Variants in SH2D4A observed in about 807,000 individuals in gnomAD.
The protein encoded by SH2D4A is SH2 domain containing 4A.
In SH2D4A, 70 loss-of-function variants were observed where a neutral mutation model predicts 64.7. That is an observed-to-expected ratio of 1.08 (90% CI 0.89 to 1.32). The LOEUF is 1.32. SH2D4A is among the 40% of genes most tolerant of loss of function. SH2D4A has a pLI of 0.00. For synonymous variants in SH2D4A, 268 were observed against 200.7 expected (o/e 1.34, Z -2.83); for missense variants, 706 against 540.1 (o/e 1.31, Z -3.04).
chr8:19,381,597 C>T (rs1190491549), intron 8 of SH2D4A, among the ~76,000 whole-genome samples: 1 of 152,190 alleles, frequency 6.6e-6, no homozygotes, highest in African/African-American at 2.4e-5. Flanking sequence ...ATTGTATCAT[C>T]TGACAACAGA....
chr8:19,364,196 G>T lies in SH2D4A; in HGVS notation c.831G>T (p.Leu277Phe), dbSNP rs768918783. ...GCGGTGAGAGGCTGCAAAGCCCCTTGCGTGTTCCGCAGAAACCAGAAAGAC... is the reference window on the plus strand; with the variant it reads ...GCGGTGAGAGGCTGCAAAGCCCCTTTCGTGTTCCGCAGAAACCAGAAAGAC... ...GRGGERLQSP[L>F]RVPQKPERPP... The change falls in exon 7 of 10, where the codon TTG becomes TTT. Residue 277 changes from leucine to phenylalanine, a missense_variant. Leu to Phe is a conservative substitution (Grantham distance 22). Transcript: ENST00000265807. The T allele has an allele frequency of 4.3e-6, 7 of 1,614,072 alleles. No individual in the cohort carries two copies. The highest frequency in any genetic ancestry group is 1.7e-5 in the Admixed American group (1 of 60,008).
At chr8:19,376,898 A>G (rs2053205121) in intron 8 of SH2D4A, among the ~76,000 whole-genome samples, 1 of 152,192 alleles carries the variant, frequency 6.6e-6, no homozygotes, top group Non-Finnish European at 1.5e-5. Flanking sequence ...AACCACAGGC[A>G]TGAAAGATCA....
chr8:19,332,136 A>G (rs1389297168), intron 2 of SH2D4A, among the ~76,000 whole-genome samples: 1 of 152,148 alleles, frequency 6.6e-6, no homozygotes, highest in African/African-American at 2.4e-5. Context: ...TACAATATAA[A>G]TAAAATAATA....
intron 4 of SH2D4A, among the ~76,000 whole-genome samples, chr8:19,345,588 C>T (rs1041606620): frequency 2.0e-5 from 3 of 152,190 alleles, no homozygotes; most frequent in Non-Finnish European, 4.4e-5. Context: ...GCATTCCTAT[C>T]CTGAGCTGGT....
Position 19,357,195 on chromosome 8 carries a change from AT to A in SH2D4A, c.514-3del, listed in dbSNP as rs2052805977. 1 of 1,609,128 alleles carries A rather than the reference AT, an allele frequency of 6.2e-7. No homozygotes were observed. The highest frequency in any genetic ancestry group is 8.5e-7 in the Non-Finnish European group (1 of 1,175,626). On this transcript the variant is annotated splice_region_variant and splice_polypyrimidine_tract_variant and intron_variant, in intron 4 of 9. Transcript: ENST00000265807. ...AAATGCCATAAATGTGTTTCGTTTA[AT>A]TTTTAGTCACTCTCCAGTTCTTCAA... is the stretch of plus-strand genomic sequence containing the variant.
At chr8:19,321,846 T>A (rs1160419793) in intron 2 of SH2D4A, among the ~76,000 whole-genome samples, 2 of 152,186 alleles carry the variant, frequency 1.3e-5, no homozygotes, top group African/African-American at 4.8e-5. Flanking sequence ...TCTGTTAGAC[T>A]TTGGGTTTCT....
At chr8:19,325,750 A>G (rs1328603005) in intron 2 of SH2D4A, among the ~76,000 whole-genome samples, 3 of 152,220 alleles carry the variant, frequency 2.0e-5, no homozygotes, top group Non-Finnish European at 4.4e-5. Context: ...AAATAAGCAT[A>G]AAAATTTATT....
At chr8:19,377,491 C>T (rs533299211) in intron 8 of SH2D4A, among the ~76,000 whole-genome samples, 6 of 152,268 alleles carry the variant, frequency 3.9e-5, no homozygotes, top group African/African-American at 1.4e-4. Flanking sequence ...TGATTTCCAT[C>T]CATATTTTAT....
intron 7 of SH2D4A, among the ~76,000 whole-genome samples, chr8:19,372,213 A>G (rs1200405260): frequency 6.6e-6 from 1 of 152,098 alleles, no homozygotes; most frequent in East Asian, 1.9e-4. Context: ...TAGAATTCTT[A>G]AATTGTTTCC....
Position 19,389,118 on chromosome 8 carries a change from T to C in SH2D4A, c.1049-4200T>C, listed in dbSNP as rs370514298. Among the ~76,000 whole-genome samples, 22 of 152,184 alleles carry C rather than the reference T, an allele frequency of 1.4e-4. No individual in the cohort carries two copies. The East Asian group carries it at 4.1e-3, about 28-fold the overall frequency. ...GATCAGGACACGTCATGTTCTGGAG[T>C]TGAATCTTGCAGAGTGAGTAGGAGT... is the stretch of plus-strand genomic sequence containing the variant. On this transcript the variant is annotated intron_variant, in intron 8 of 9. Transcript: ENST00000265807.
At chr8:19,364,850 G>A (rs544204002) in intron 7 of SH2D4A, among the ~76,000 whole-genome samples, 61 of 152,244 alleles carry the variant, frequency 4.0e-4, no homozygotes, top group African/African-American at 1.4e-3. Flanking sequence ...TTGTCTATTT[G>A]GTGGTGGAGA....
At chr8:19,360,397 T>G (rs1054005862) in intron 5 of SH2D4A, among the ~76,000 whole-genome samples, 5 of 151,910 alleles carry the variant, frequency 3.3e-5, no homozygotes, top group Non-Finnish European at 7.4e-5. Flanking sequence ...GTGGATCACT[T>G]GAGGTCAGAA....
At chr8:19,359,803 G>C (rs1029262524) in intron 5 of SH2D4A, among the ~76,000 whole-genome samples, 1 of 152,194 alleles carries the variant, frequency 6.6e-6, no homozygotes, top group Non-Finnish European at 1.5e-5. Flanking sequence ...TGCCCAGAGC[G>C]ATCAGAAACA....
intron 4 of SH2D4A, among the ~76,000 whole-genome samples, chr8:19,348,343 TG>T (rs1185466752): frequency 1.3e-5 from 2 of 152,176 alleles, no homozygotes; most frequent in African/African-American, 4.8e-5. Flanking sequence ...GTGATCCTCT[TG>T]CCCCTGCCTC....
At chr8:19,314,466 A>G (rs1179890315) in intron 1 of SH2D4A, among the ~76,000 whole-genome samples, 1 of 152,026 alleles carries the variant, frequency 6.6e-6, no homozygotes, top group Non-Finnish European at 1.5e-5. Context: ...GGGCTGGCCC[A>G]GACCCAGACC....
At position 19,357,258 on chromosome 8, in the gene SH2D4A, G is replaced by A. The variant is rs761330623; in HGVS notation, c.569G>A (p.Arg190His). The change falls in exon 5 of 10, where the codon CGT (arginine) becomes CAT (histidine). Residue 190 changes from arginine to histidine, a missense_variant. By Grantham distance (29) the Arg-to-His change is conservative. Transcript: ENST00000265807. ...IQQMLADSIN[R>H]MKAYAFHQKK... ...CAAATGTTGGCAGATTCAATCAATC[G>A]TATGAAGGCATATGCATTTCACCAG... 46 of 1,613,794 alleles carry A rather than the reference G, an allele frequency of 2.9e-5. No homozygotes were observed. The South Asian group carries it at 3.0e-4, about 10-fold the overall frequency.
rs758266488 is a variant in SH2D4A, at chr8:19,321,547, G to A, written c.181+1819G>A. On this transcript the variant is annotated intron_variant, in intron 2 of 9. Transcript: ENST00000265807. ...TAGATAAGTTGAGTAATATATGCAA[G>A]GTTATACCACCAATAGATGCCCAGT... Among the ~76,000 whole-genome samples the A allele has an allele frequency of 1.3e-5, 2 of 152,164 alleles. 1 individual carries two copies. The highest frequency in any genetic ancestry group is 4.1e-4 in the South Asian group (2 of 4,830).
At chr8:19,336,149 T>G (rs1169857481) in intron 4 of SH2D4A, among the ~76,000 whole-genome samples, 2 of 152,200 alleles carry the variant, frequency 1.3e-5, no homozygotes, top group Non-Finnish European at 2.9e-5. Context: ...TTGTCCATTT[T>G]ACAGCTGGGG....
At chr8:19,319,198 G>C (rs1368611609) in intron 1 of SH2D4A, 146 bp from the exon 2 acceptor site, 4 of 360,696 alleles carry the variant, frequency 1.1e-5, no homozygotes, top group Non-Finnish European at 1.6e-5. Flanking sequence ...TCTTAACAAA[G>C]TGTGCCTCAG....
Sources: allele counts gnomAD v4.1 joint callset (sites outside exome capture counted in the v4.1 genomes callset), GRCh38; gene constraint gnomAD v4.1.1; transcripts MANE v1.5; gene names NCBI Gene and HGNC (gene_info 2026-07-23, HGNC 2026-07-21).